The following SERPINE2 variants were observed in gnomAD, a reference collection of about 807,000 sequenced individuals.
SERPINE2 encodes serpin family E member 2.
In SERPINE2, 14 loss-of-function variants were observed where a neutral mutation model predicts 36.3. The ratio of observed to expected loss-of-function variants is 0.39; its 90% CI spans 0.25 to 0.60. SERPINE2 has a LOEUF of 0.60. Ranked by LOEUF, SERPINE2 falls within the 20% of genes least tolerant of loss-of-function variation. The pLI is 0.57. For missense variants in SERPINE2, 418 were observed against 499.6 expected (o/e 0.84, Z 1.56); for synonymous variants, 192 against 191.8 (o/e 1.00, Z -0.01).
At chr2:224,031,222 A>G in intron 1 of SERPINE2, 12 of 984,046 alleles carry the variant, frequency 1.2e-5, no homozygotes, top group Non-Finnish European at 1.4e-5. Flanking sequence ...GACCCTACAT[A>G]TTCACAGGGT....
In SERPINE2 at chr2:224,004,975, A is replaced by G. The variant is rs1691335614; in HGVS notation, c.-22-3053T>C. ...TTGCCTCTGGTAGCTTAAAGTTGATAGACTCAAATACTACATATATATTAT... is the reference window on the plus strand; with the variant it reads ...TTGCCTCTGGTAGCTTAAAGTTGATGGACTCAAATACTACATATATATTAT... On this transcript the variant is annotated intron_variant, in intron 1 of 8. Coordinates refer to ENST00000409304, the MANE Select transcript of SERPINE2 (RefSeq NM_001136528.2). Among the ~76,000 whole-genome samples, 7 of 142,912 alleles carry G rather than the reference A, an allele frequency of 4.9e-5. No individual in the cohort carries two copies. In the South Asian group the frequency reaches 1.5e-3, roughly 31 times the overall value. The allele number at this position is 142,912 out of a possible 152,430, so 93.8% of individuals were successfully genotyped here. A position where few individuals can be genotyped will look rare whatever the true frequency, so the allele number is the denominator to read the frequency against.
At chr2:224,021,015 G>A (rs1691980916) in intron 1 of SERPINE2, among the ~76,000 whole-genome samples, 1 of 152,202 alleles carries the variant, frequency 6.6e-6, no homozygotes. Flanking sequence ...TCCTAGACAT[G>A]ACTGGTTCAA....
chr2:223,976,014 C>T, intron 8 of SERPINE2, 110 bp from the exon 9 acceptor site: 4 of 932,508 alleles, frequency 4.3e-6, no homozygotes, highest in Middle Eastern at 2.2e-4. Context: ...TGACCTCTTG[C>T]TCAGTAGTGT....
chr2:223,993,816 G>A (rs1486945422), intron 3 of SERPINE2, among the ~76,000 whole-genome samples: 1 of 152,032 alleles, frequency 6.6e-6, no homozygotes, highest in African/African-American at 2.4e-5. Context: ...TCCACAAGGG[G>A]GCACTAACGC....
intron 4 of SERPINE2, among the ~76,000 whole-genome samples, chr2:223,989,966 T>C (rs1419520558): frequency 2.6e-5 from 4 of 152,126 alleles, no homozygotes; most frequent in Admixed American, 6.5e-5. Flanking sequence ...GCACCATGGC[T>C]AGCCTTGGGC....
chr2:224,024,890 T>A (rs546188594), intron 1 of SERPINE2, among the ~76,000 whole-genome samples: 2 of 152,198 alleles, frequency 1.3e-5, no homozygotes, highest in African/African-American at 4.8e-5. Flanking sequence ...TCTTTAGGGA[T>A]GAAGGGGGCT....
intron 1 of SERPINE2, chr2:224,010,460 A>C (rs2106178629): frequency 1.4e-6 from 1 of 722,934 alleles, no homozygotes; most frequent in East Asian, 1.3e-4. Flanking sequence ...TATATTATCC[A>C]TTCTGAAATC....
At chr2:224,037,524 G>A (rs1267430323) in intron 1 of SERPINE2, among the ~76,000 whole-genome samples, 4 of 152,178 alleles carry the variant, frequency 2.6e-5, no homozygotes, top group Admixed American at 6.5e-5. Flanking sequence ...CATCTAGAGC[G>A]TCCCCCACAT....
intron 1 of SERPINE2, among the ~76,000 whole-genome samples, chr2:224,015,421 G>T (rs571543871): frequency 6.6e-6 from 1 of 152,170 alleles, no homozygotes; most frequent in African/African-American, 2.4e-5. Context: ...ACAAAGGGGC[G>T]GAGAGATGGA....
At chr2:224,018,790 A>C (rs1241902982) in intron 1 of SERPINE2, among the ~76,000 whole-genome samples, 1 of 152,050 alleles carries the variant, frequency 6.6e-6, no homozygotes, top group Non-Finnish European at 1.5e-5. Flanking sequence ...GTCCTTCATC[A>C]TTTCCTTTAT....
chr2:224,014,100 C>T (rs1354898327), intron 1 of SERPINE2, among the ~76,000 whole-genome samples: 1 of 152,132 alleles, frequency 6.6e-6, no homozygotes, highest in African/African-American at 2.4e-5. Flanking sequence ...AGTGGCCATG[C>T]GAGGTGGCTC....
intron 1 of SERPINE2, among the ~76,000 whole-genome samples, chr2:224,004,264 C>T (rs1418589188): frequency 6.6e-6 from 1 of 152,210 alleles, no homozygotes. Flanking sequence ...AACTCCCTGC[C>T]TGGCCCCCCG....
At chr2:223,995,402 G>A (rs1052579890) in intron 3 of SERPINE2, among the ~76,000 whole-genome samples, 2 of 152,210 alleles carry the variant, frequency 1.3e-5, no homozygotes, top group African/African-American at 4.8e-5. Flanking sequence ...GAATTTGGCA[G>A]GGATGTTTTT....
At chr2:224,033,252 T>C (rs1692433645) in intron 1 of SERPINE2, among the ~76,000 whole-genome samples, 1 of 152,214 alleles carries the variant, frequency 6.6e-6, no homozygotes, top group Non-Finnish European at 1.5e-5. Context: ...TGGGACCTAA[T>C]TTATTTAAAA....
intron 1 of SERPINE2, chr2:224,038,635 G>C (rs1326385205): frequency 1.2e-6 from 1 of 840,070 alleles, no homozygotes; most frequent in Non-Finnish European, 2.0e-6. Flanking sequence ...CCCAGGCAGA[G>C]GTAACAAGTA....
chr2:223,980,716 C>T (rs906988210), intron 6 of SERPINE2: 2 of 209,288 alleles, frequency 9.6e-6, no homozygotes, highest in Non-Finnish European at 1.9e-5. Flanking sequence ...AAAAGGAAGC[C>T]CGGTTTTCTG....
chr2:223,975,292 T>C lies in SERPINE2; in HGVS notation c.*575A>G, dbSNP rs1689960211. On this transcript the variant is annotated 3_prime_UTR_variant, in exon 9 of 9. Transcript: ENST00000409304. ...AGCAAGACAGGAGTTTTTTAAATTT[T>C]ATTTTAGTGAATACATGCATTATAT... 6.6e-6 allele frequency: 1 copy of C among 152,598 alleles called. No individual in the cohort carries two copies. Among genetic ancestry groups the C allele is most frequent in the Admixed American group, 6.5e-5 (1 of 15,280 alleles). 9.5% of individuals were successfully genotyped at this position (152,598 alleles called of 1,614,324 possible).
chr2:223,983,271 T>G lies in SERPINE2; in HGVS notation c.885-490A>C, dbSNP rs555562132. Among the ~76,000 whole-genome samples, 26 of 152,334 alleles carry G rather than the reference T, an allele frequency of 1.7e-4. No individual in the cohort carries two copies. In the East Asian group the frequency reaches 5.0e-3, roughly 29 times the overall value. On this transcript the variant is annotated intron_variant, in intron 5 of 8. Coordinates refer to ENST00000409304, the MANE Select transcript of SERPINE2 (RefSeq NM_001136528.2). Reference sequence around the variant, plus strand: ...TAGTTCATTTTGGGATTCTTTTTTTTGAGACAGAGTCTTGCTCTGTGGCCC... The same window carrying G: ...TAGTTCATTTTGGGATTCTTTTTTTGGAGACAGAGTCTTGCTCTGTGGCCC...
intron 1 of SERPINE2, among the ~76,000 whole-genome samples, chr2:224,022,490 A>G (rs1692039622): frequency 6.6e-6 from 1 of 152,188 alleles, no homozygotes; most frequent in Non-Finnish European, 1.5e-5. Flanking sequence ...GAAATAATGA[A>G]AGGACTCAGA....
Sources: allele counts gnomAD v4.1 joint callset (sites outside exome capture counted in the v4.1 genomes callset), GRCh38; gene constraint gnomAD v4.1.1; transcripts MANE v1.5; gene names NCBI Gene and HGNC (gene_info 2026-07-23, HGNC 2026-07-21).